Variants in TRIM59 observed in about 807,000 individuals in gnomAD.
The protein encoded by TRIM59 is tripartite motif-containing protein 59.
In TRIM59, 14 loss-of-function variants were observed where a neutral mutation model predicts 32.2. That is an observed-to-expected ratio of 0.43 (90% CI 0.29 to 0.68). The LOEUF is 0.68. Among genes scored for constraint, TRIM59 ranks in the 30% least tolerant of loss-of-function variants. The pLI, the probability that TRIM59 is intolerant of heterozygous loss-of-function variation, is 0.15. For missense variants in TRIM59, 471 were observed against 463.3 expected (o/e 1.02, Z -0.15); for synonymous variants, 163 against 155.1 (o/e 1.05, Z -0.38).
intron 2 of TRIM59, among the ~76,000 whole-genome samples, chr3:160,443,454 T>A (rs1447372395): frequency 1.3e-5 from 2 of 152,180 alleles, no homozygotes; most frequent in South Asian, 2.1e-4. Flanking sequence ...CATTTTTATA[T>A]AAAGACAGTT....
chr3:160,449,720 G>C lies in TRIM59; in HGVS notation c.-77C>G. The C allele has an allele frequency of 7.8e-7, 1 of 1,289,968 alleles. No individual in the cohort carries two copies. Among genetic ancestry groups the C allele is most frequent in the Non-Finnish European group, 1.0e-6 (1 of 988,978 alleles). 79.9% of individuals were successfully genotyped at this position (1,289,968 alleles called of 1,614,324 possible). A position where few individuals can be genotyped will look rare whatever the true frequency, so the allele number is the denominator to read the frequency against. On this transcript the variant is annotated 5_prime_UTR_variant, in exon 1 of 3. Coordinates refer to ENST00000309784, the MANE Select transcript of TRIM59 (RefSeq NM_173084.3). ...CCGTAAAGGTCCTTAGACTCACCGC[G>C]GGGAGGAAGCGGACCAGGCAACTCC... is the stretch of plus-strand genomic sequence containing the variant.
chr3:160,440,542 A>G (rs1719188358), intron 2 of TRIM59, among the ~76,000 whole-genome samples: 1 of 152,130 alleles, frequency 6.6e-6, no homozygotes, highest in Admixed American at 6.6e-5. Context: ...CCACAATTCT[A>G]AAGACTAGCT....
Position 160,438,599 on chromosome 3 carries a change from T to G in TRIM59, c.585A>C (p.Thr195=). Residue 195 remains threonine, a synonymous_variant, in exon 3 of 3, where the codon ACA becomes ACC. Coordinates refer to ENST00000309784, the MANE Select transcript of TRIM59 (RefSeq NM_173084.3). ...GGAAACTTTTTTTTTTCTGTTCTAA[T>G]GTATCATTAAGCTCCTTAAAATACT... ...VLQYFKELND[T]LEQKKKSFLT... is the part of the protein sequence containing the mutation. The G allele has an allele frequency of 1.2e-6, 2 of 1,612,352 alleles. No homozygotes were observed. The highest frequency in any genetic ancestry group is 1.7e-6 in the Non-Finnish European group (2 of 1,179,608).
intron 2 of TRIM59, 80 bp downstream of exon 2, chr3:160,448,646 T>C (rs1719661345): frequency 2.4e-6 from 2 of 838,516 alleles, no homozygotes; most frequent in African/African-American, 1.8e-5. Context: ...GACTTCTAAA[T>C]TTCACTTTGT....
At chr3:160,442,393 C>G (rs958961405) in intron 2 of TRIM59, among the ~76,000 whole-genome samples, 2 of 151,982 alleles carry the variant, frequency 1.3e-5, no homozygotes, top group Admixed American at 6.6e-5. Context: ...ACCAGCCTGG[C>G]CAACATGGTG....
Position 160,438,804 on chromosome 3 carries a change from T to C in TRIM59, c.380A>G (p.His127Arg), listed in dbSNP as rs757887068. Residue 127 changes from histidine (H) to arginine (R), a missense_variant, in exon 3 of 3, where the codon CAT (histidine) becomes CGT (arginine). Physicochemically the swap from His to Arg is conservative, Grantham distance 29 (BLOSUM62 0). Coordinates refer to ENST00000309784, the MANE Select transcript of TRIM59 (RefSeq NM_173084.3). ...TTGAAGGTCATCTATAGGATGACCA[T>C]GATGTTGACCTATGGTAAGGCAATG... ...CGHCLTIGQH[H>R]GHPIDDLQSA... 6.2e-7 allele frequency: 1 copy of C among 1,614,028 alleles called. No homozygotes were observed. Among genetic ancestry groups the C allele is most frequent in the East Asian group, 2.2e-5 (1 of 44,866 alleles).
intron 2 of TRIM59, 78 bp from the exon 3 acceptor site, chr3:160,439,264 C>T (rs2108515152): frequency 8.4e-7 from 1 of 1,187,592 alleles, no homozygotes; most frequent in East Asian, 2.6e-5. Context: ...CATTAACCTC[C>T]AAATTGTTAC....
chr3:160,435,895 A>G lies in TRIM59; in HGVS notation c.*2077T>C. 1 of 1,239,890 alleles carries G rather than the reference A, an allele frequency of 8.1e-7. No homozygotes were observed. Among genetic ancestry groups the G allele is most frequent in the Non-Finnish European group, 1.1e-6 (1 of 944,146 alleles). The allele number at this position is 1,239,890 out of a possible 1,614,324, so 76.8% of individuals were successfully genotyped here. ...AAGTCACTTGTCAGTTCCCTCATCT[A>G]CAAAAAGGGGGTTAAAAATATTCAC... On this transcript the variant is annotated 3_prime_UTR_variant, in exon 3 of 3. Coordinates refer to ENST00000309784, the MANE Select transcript of TRIM59 (RefSeq NM_173084.3).
intron 2 of TRIM59, among the ~76,000 whole-genome samples, chr3:160,443,225 C>T (rs1719346856): frequency 6.6e-6 from 1 of 152,142 alleles, no homozygotes. Context: ...CCAGTCTAGG[C>T]TTCTGAAAGG....
rs771436597 is a variant in TRIM59 at position 160,439,194 on chromosome 3, G to A, written c.-3-8C>T. The A allele has an allele frequency of 2.7e-6, 4 of 1,483,334 alleles. No individual in the cohort carries two copies. Among genetic ancestry groups the A allele is most frequent in the Admixed American group, 4.8e-5 (2 of 41,608 alleles). 91.9% of individuals were successfully genotyped at this position (1,483,334 alleles called of 1,614,324 possible). ...CTCAAAATTGTGCATTTCCTGTCAA[G>A]AGAAAAATGTATTTTAAGTTTACAT... On this transcript the variant is annotated splice_region_variant and splice_polypyrimidine_tract_variant and intron_variant, in intron 2 of 2. Coordinates refer to ENST00000309784, the MANE Select transcript of TRIM59 (RefSeq NM_173084.3).
chr3:160,442,022 T>A (rs1343797297), intron 2 of TRIM59, among the ~76,000 whole-genome samples: 1 of 152,144 alleles, frequency 6.6e-6, no homozygotes, highest in East Asian at 1.9e-4. Context: ...GAAAAACAAA[T>A]GTGTTTTTCA....
In TRIM59 at chr3:160,436,534, C is replaced by T. The variant is rs1005331401; in HGVS notation, c.*1438G>A. 5.4e-5 allele frequency: 53 copies of T among 985,452 alleles called. No homozygotes were observed. The African/African-American group carries it at 7.8e-4, about 15-fold the overall frequency. The allele number at this position is 985,452 out of a possible 1,614,324, so 61.0% of individuals were successfully genotyped here. Reference sequence around the variant, plus strand: ...AGTTGTTGGGCCGGGCGTGGCGGCTCACGCCTATAATCCCAGCATTTTGGG... The same window carrying T: ...AGTTGTTGGGCCGGGCGTGGCGGCTTACGCCTATAATCCCAGCATTTTGGG... On this transcript the variant is annotated 3_prime_UTR_variant, in exon 3 of 3. Transcript: ENST00000309784.
At chr3:160,444,593 T>G (rs1023365588) in intron 2 of TRIM59, among the ~76,000 whole-genome samples, 9 of 152,278 alleles carry the variant, frequency 5.9e-5, no homozygotes, top group African/African-American at 2.2e-4. Context: ...TCTCCCCCAT[T>G]AGAATATGTG....
chr3:160,446,924 T>G (rs896332097), intron 2 of TRIM59, among the ~76,000 whole-genome samples: 1 of 142,826 alleles, frequency 7.0e-6, no homozygotes, highest in Admixed American at 7.1e-5. Flanking sequence ...CCCCCACCCG[T>G]CCACAGAAAA....
chr3:160,436,483 T>C lies in TRIM59; in HGVS notation c.*1489A>G. 3.0e-6 allele frequency: 3 copies of C among 985,816 alleles called. No homozygotes were observed. The highest frequency in any genetic ancestry group is 3.6e-6 in the Non-Finnish European group (3 of 829,946). 61.1% of individuals were successfully genotyped at this position (985,816 alleles called of 1,614,324 possible). ...TAAAGGGCTTTGATTTAATTGGCCCTCTTAAGCAAAGCTAATAAAAGATTA... is the reference window on the plus strand; with the variant it reads ...TAAAGGGCTTTGATTTAATTGGCCCCCTTAAGCAAAGCTAATAAAAGATTA... On this transcript the variant is annotated 3_prime_UTR_variant, in exon 3 of 3. Transcript: ENST00000309784.
Position 160,438,168 on chromosome 3 carries a change from G to A in TRIM59, c.1016C>T (p.Ser339Leu). The change falls in exon 3 of 3, where the codon TCA (serine) becomes TTA (leucine). Residue 339 changes from serine (S) to leucine (L), a missense_variant. Transcript: ENST00000309784. ...ILNIVVVTLI[S>L]VILMSILFFN... is the part of the protein sequence containing the mutation. ...AAAGAGTATCGACATCAGTATTACT[G>A]AAATTAATGTAACTACAACAATGTT... The A allele has an allele frequency of 6.2e-7, 1 of 1,612,326 alleles. No individual in the cohort carries two copies. Among genetic ancestry groups the A allele is most frequent in the South Asian group, 1.1e-5 (1 of 90,588 alleles).
At position 160,436,162 on chromosome 3, in the gene TRIM59, A is replaced by G; in HGVS notation, c.*1810T>C. On this transcript the variant is annotated 3_prime_UTR_variant, in exon 3 of 3. Transcript: ENST00000309784. ...TAAGTCTGATTCTAATAATAAATTG[A>G]TATAATACAGTCATCTTAGTGTTAA... is the stretch of plus-strand genomic sequence containing the variant. The G allele has an allele frequency of 1.9e-6, 2 of 1,025,716 alleles. No homozygotes were observed. The highest frequency in any genetic ancestry group is 2.3e-6 in the Non-Finnish European group (2 of 853,340). 63.5% of individuals were successfully genotyped at this position (1,025,716 alleles called of 1,614,324 possible).
chr3:160,449,227 T>C (rs1197991715), intron 1 of TRIM59, among the ~76,000 whole-genome samples: 1 of 152,218 alleles, frequency 6.6e-6, no homozygotes, highest in Non-Finnish European at 1.5e-5. Flanking sequence ...CTGTGGGACC[T>C]GGGTCAGTAT....
chr3:160,449,681 C>T (rs1719722984), intron 1 of TRIM59, 36 bp downstream of exon 1: 2 of 1,289,666 alleles, frequency 1.6e-6, no homozygotes, highest in Non-Finnish European at 2.0e-6. Context: ...GACTCAGAAC[C>T]ACCTTCTCCG....
Sources: allele counts gnomAD v4.1 joint callset (sites outside exome capture counted in the v4.1 genomes callset), GRCh38; gene constraint gnomAD v4.1.1; transcripts MANE v1.5; gene names NCBI Gene and HGNC (gene_info 2026-07-23, HGNC 2026-07-21).